ARHGAP42: variants seen among roughly 807,000 people sequenced by gnomAD.
ARHGAP42 encodes Rho GTPase activating protein 42, also known as rho GTPase-activating protein 42.
Under a neutral mutation model 125.0 loss-of-function variants are expected in ARHGAP42, and 63 were observed. The ratio of observed to expected loss-of-function variants is 0.50; its 90% confidence interval spans 0.41 to 0.62. ARHGAP42 has a LOEUF of 0.62. Ranked by LOEUF, ARHGAP42 falls within the 20% of genes least tolerant of loss-of-function variation. The pLI is 0.00. For synonymous variants in ARHGAP42, 339 were observed against 351.0 expected, an observed-to-expected ratio of 0.97 and a Z score of 0.38; for missense variants, 766 against 1,024.2, an observed-to-expected ratio of 0.75 and a Z score of 3.44.
At chr11:100,911,415 G>T (rs913306544) in intron 4 of ARHGAP42, among the ~76,000 whole-genome samples, 3 of 152,052 alleles carry the variant, frequency 2.0e-5, no homozygotes, top group African/African-American at 7.2e-5. Flanking sequence ...CATTCAAAAA[G>T]GAGAGAGTTG....
chr11:100,839,085 A>G (rs1045619317), intron 3 of ARHGAP42, among the ~76,000 whole-genome samples: 2 of 152,140 alleles, frequency 1.3e-5, no homozygotes, highest in Non-Finnish European at 2.9e-5. Flanking sequence ...CAGCTATAAC[A>G]TGGCAGCCTC....
At chr11:100,781,158 C>A (rs1354104485) in intron 2 of ARHGAP42, among the ~76,000 whole-genome samples, 1 of 151,912 alleles carries the variant, frequency 6.6e-6, no homozygotes, top group Non-Finnish European at 1.5e-5. Context: ...TGGTATTGTA[C>A]AATAGGTGTT....
chr11:100,830,686 C>T (rs1374070873), intron 3 of ARHGAP42, among the ~76,000 whole-genome samples: 1 of 152,154 alleles, frequency 6.6e-6, no homozygotes, highest in Non-Finnish European at 1.5e-5. Flanking sequence ...AGGATTTCAG[C>T]TTTTGGTGAA....
At chr11:100,893,937 TTAAG>T (rs144778357) in intron 4 of ARHGAP42, among the ~76,000 whole-genome samples, 7,924 of 152,278 alleles carry the variant, frequency 0.052, 371 homozygotes, top group East Asian at 0.25. Context: ...AAAACATTAA[TTAAG>T]TAATTCTTGA....
At chr11:100,722,386 T>A (rs900966775) in intron 1 of ARHGAP42, among the ~76,000 whole-genome samples, 1 of 147,626 alleles carries the variant, frequency 6.8e-6, no homozygotes, top group Admixed American at 6.9e-5. Context: ...TTAAAAAAAA[T>A]TTATTACTTT....
chr11:100,931,655 T>G (rs77315014), intron 6 of ARHGAP42, among the ~76,000 whole-genome samples: 1 of 152,156 alleles, frequency 6.6e-6, no homozygotes, highest in Non-Finnish European at 1.5e-5. Flanking sequence ...GAAACAATAC[T>G]TCCTTAGCAA....
intron 1 of ARHGAP42, among the ~76,000 whole-genome samples, chr11:100,712,002 T>C (rs570214163): frequency 8.1e-4 from 123 of 152,368 alleles, no homozygotes; most frequent in African/African-American, 2.9e-3. Flanking sequence ...ATTAGTAATA[T>C]GTTTCAAGAA....
intron 1 of ARHGAP42, among the ~76,000 whole-genome samples, chr11:100,718,818 A>G (rs1030319968): frequency 6.6e-6 from 1 of 152,228 alleles, no homozygotes; most frequent in Non-Finnish European, 1.5e-5. Context: ...GTAAATTATC[A>G]TGTAAATTAG....
intron 7 of ARHGAP42, among the ~76,000 whole-genome samples, chr11:100,933,737 C>T (rs1432970635): frequency 6.6e-6 from 1 of 151,802 alleles, no homozygotes; most frequent in Non-Finnish European, 1.5e-5. Flanking sequence ...TCAATTATAC[C>T]TCAAGAAAAC....
intron 6 of ARHGAP42, among the ~76,000 whole-genome samples, chr11:100,923,694 C>T (rs1184176009): frequency 6.6e-6 from 1 of 152,044 alleles, no homozygotes; most frequent in African/African-American, 2.4e-5. Flanking sequence ...CTATGATGTC[C>T]TGTTAAGTCT....
chr11:100,976,135 A>G lies in ARHGAP42; in HGVS notation c.1934A>G (p.Asn645Ser). The change falls in exon 20 of 24, where the codon AAT (asparagine) becomes AGT (serine). Residue 645 changes from asparagine to serine, a missense_variant. Around this residue, in one of 3 missense-constraint regions of ARHGAP42, gnomAD observed 308 missense variants for 369.7 expected, o/e 0.83. Coordinates refer to ENST00000298815, the MANE Select transcript of ARHGAP42 (RefSeq NM_152432.4). ...ESLSSHSSEQ[N>S]STTKSASCQP... ...CTCTCTTCTCATTCCTCTGAACAAA[A>G]TAGCACTACAAAGTCAGCTTCCTGC... 1.3e-6 allele frequency: 2 copies of G among 1,551,686 alleles called. No homozygotes were observed. Among genetic ancestry groups the G allele is most frequent in the Non-Finnish European group, 1.7e-6 (2 of 1,146,872 alleles).
At chr11:100,906,553 A>C (rs1308687141) in intron 4 of ARHGAP42, among the ~76,000 whole-genome samples, 1 of 145,100 alleles carries the variant, frequency 6.9e-6, no homozygotes, top group South Asian at 2.3e-4. Context: ...TACAGTGTAC[A>C]TATTGGGCCA....
At chr11:100,928,859 T>C (rs775133085) in intron 6 of ARHGAP42, among the ~76,000 whole-genome samples, 9 of 152,184 alleles carry the variant, frequency 5.9e-5, no homozygotes, top group Non-Finnish European at 1.2e-4. Context: ...CAAATGAAAT[T>C]GTGTAATACG....
chr11:100,943,691 C>T, intron 9 of ARHGAP42, 68 bp from the exon 10 acceptor site: 3 of 1,085,576 alleles, frequency 2.8e-6, no homozygotes, highest in Non-Finnish European at 4.0e-6. Context: ...GCAACTTGAG[C>T]TCACATATTT....
chr11:100,797,787 C>G (rs61890783), intron 3 of ARHGAP42, among the ~76,000 whole-genome samples: 7,751 of 152,216 alleles, frequency 0.051, 256 homozygotes, highest in East Asian at 0.18. Flanking sequence ...TTAAGAAATA[C>G]ATTTTTTCAA....
Position 100,930,854 on chromosome 11 carries a change from TA to T in ARHGAP42, c.598-2301del, listed in dbSNP as rs1867560093. 2.0e-5 allele frequency among the ~76,000 whole-genome samples: 3 copies of T among 152,270 alleles called. No homozygotes were observed. The South Asian group carries it at 6.2e-4, about 32-fold the overall frequency. On this transcript the variant is annotated intron_variant, in intron 6 of 23. Coordinates refer to ENST00000298815, the MANE Select transcript of ARHGAP42 (RefSeq NM_152432.4). ...TTCACATGAGGGAGTGTCTCACAGG[TA>T]GTTCCATGAAGCGCACCCAGCATCT...
chr11:100,988,330 C>T (rs1043194226), intron 23 of ARHGAP42, among the ~76,000 whole-genome samples: 3 of 152,136 alleles, frequency 2.0e-5, no homozygotes, highest in Admixed American at 6.5e-5. Context: ...GGACCCTCTA[C>T]ATTCCAGAAT....
chr11:100,972,476 T>C (rs1038976228), intron 17 of ARHGAP42, among the ~76,000 whole-genome samples: 21 of 152,062 alleles, frequency 1.4e-4, no homozygotes, highest in Non-Finnish European at 5.9e-5. Flanking sequence ...ACTGTTTGCC[T>C]AGCACAGCAC....
chr11:100,776,908 G>A (rs1239396664), intron 2 of ARHGAP42, among the ~76,000 whole-genome samples: 1 of 151,218 alleles, frequency 6.6e-6, no homozygotes, highest in Non-Finnish European at 1.5e-5. Context: ...ACTTGAACCC[G>A]GGAGGTGGAG....
Sources: gnomAD v4.1 joint callset for allele counts (sites outside exome capture counted in the v4.1 genomes callset) on GRCh38, gnomAD v4.1.1 for gene constraint, gnomAD v4.1.1 regional missense constraint, MANE v1.5 for transcripts, NCBI Gene and HGNC (gene_info 2026-07-23, HGNC 2026-07-21) for gene names.